HMGA2: variants seen among roughly 807,000 people sequenced by gnomAD.
HMGA2 encodes the protein high mobility group protein HMGI-C.
Under a neutral mutation model 19.1 loss-of-function variants are expected in HMGA2, and 8 were observed. That is an observed-to-expected ratio of 0.42 (90% CI 0.25 to 0.76). The LOEUF (loss-of-function observed/expected upper bound fraction) is 0.76. Ranked by LOEUF, HMGA2 falls within the 30% of genes least tolerant of loss-of-function variation. HMGA2 has a pLI of 0.28. For synonymous variants in HMGA2, 60 were observed against 48.8 expected (o/e 1.23, Z -0.96); for missense variants, 109 against 136.3 (o/e 0.80, Z 1.00).
At chr12:65,935,482 G>A (rs909846840) in intron 3 of HMGA2, among the ~76,000 whole-genome samples, 4 of 151,946 alleles carry the variant, frequency 2.6e-5, no homozygotes, top group African/African-American at 4.8e-5. Flanking sequence ...CTAACTACAC[G>A]TCTGTTTGAA....
chr12:65,919,960 C>CT (rs2121238334), intron 3 of HMGA2, among the ~76,000 whole-genome samples: 1 of 152,280 alleles, frequency 6.6e-6, no homozygotes, highest in Non-Finnish European at 1.5e-5. Flanking sequence ...TAATTTGTCA[C>CT]TTTTCTTGTG....
chr12:65,847,459 A>G (rs1412115223), intron 3 of HMGA2, among the ~76,000 whole-genome samples: 1 of 152,178 alleles, frequency 6.6e-6, no homozygotes, highest in East Asian at 1.9e-4. Flanking sequence ...ATACTTTAAT[A>G]TTTCTGAATA....
chr12:65,941,988 T>C (rs1029248881), intron 3 of HMGA2, among the ~76,000 whole-genome samples: 1 of 152,216 alleles, frequency 6.6e-6, no homozygotes, highest in Non-Finnish European at 1.5e-5. Flanking sequence ...ATAATCTCTA[T>C]CTGAATAATT....
chr12:65,859,814 T>G (rs925167099), intron 3 of HMGA2: 2 of 197,272 alleles, frequency 1.0e-5, no homozygotes, highest in African/African-American at 4.6e-5. Context: ...CCGTGTGCAG[T>G]GGCTTACTCT....
Position 65,842,893 on chromosome 12 carries a change from A to C in HMGA2, c.249+4324A>C, listed in dbSNP as rs112566457. Reference sequence around the variant, plus strand: ...GAGTGGGGCTCAGGCTCAAGAATACAATGAAGTAATAAAGTTGTTAACCTC... The same window carrying C: ...GAGTGGGGCTCAGGCTCAAGAATACCATGAAGTAATAAAGTTGTTAACCTC... On this transcript the variant is annotated intron_variant, in intron 3 of 4. Transcript: ENST00000403681. The C allele has an allele frequency of 8.8e-6, 11 of 1,246,860 alleles. No individual in the cohort carries two copies. The African/African-American group carries it at 1.1e-4, about 12-fold the overall frequency. 77.2% of individuals were successfully genotyped at this position (1,246,860 alleles called of 1,614,324 possible).
At chr12:65,858,334 A>G (rs551819074) in intron 3 of HMGA2, 1 of 151,700 alleles carries the variant, frequency 6.6e-6, no homozygotes, top group African/African-American at 2.4e-5. Flanking sequence ...TTTCTCATTT[A>G]CAAAAAAAAA....
At chr12:65,961,799 A>G (rs1166221849) in intron 4 of HMGA2, among the ~76,000 whole-genome samples, 2 of 151,940 alleles carry the variant, frequency 1.3e-5, no homozygotes. Context: ...GTGAGTGCCC[A>G]TTCTTGTGGG....
At chr12:65,881,914 T>C (rs1873424396) in intron 3 of HMGA2, 2 of 702,042 alleles carry the variant, frequency 2.8e-6, no homozygotes, top group Non-Finnish European at 5.2e-6. Context: ...TATGTTTCCA[T>C]GCTGCAGAAG....
chr12:65,949,411 G>C (rs904797111), intron 3 of HMGA2, among the ~76,000 whole-genome samples: 1 of 152,058 alleles, frequency 6.6e-6, no homozygotes, highest in African/African-American at 2.4e-5. Flanking sequence ...AATAGTGAAC[G>C]TATCCTAAGT....
chr12:65,915,286 T>C (rs1457364088), intron 3 of HMGA2: 9 of 1,455,872 alleles, frequency 6.2e-6, no homozygotes, highest in South Asian at 1.3e-5. Context: ...TTCTTTCTTA[T>C]GTTTCCAACT....
intron 3 of HMGA2, chr12:65,882,134 C>CAG (rs1471546338): frequency 2.3e-6 from 1 of 431,480 alleles, no homozygotes; most frequent in African/African-American, 2.0e-5. Flanking sequence ...TAGTCAATGA[C>CAG]AGAGCTGGGC....
intron 3 of HMGA2, among the ~76,000 whole-genome samples, chr12:65,904,123 C>T (rs1304382327): frequency 6.6e-6 from 1 of 152,214 alleles, no homozygotes; most frequent in Non-Finnish European, 1.5e-5. Context: ...AAATCATTAG[C>T]TTCATTTTCC....
rs897591660 is a variant in HMGA2, at chr12:65,865,639, T to C, written c.249+27070T>C. Among the ~76,000 whole-genome samples, 25 of 147,020 alleles carry C rather than the reference T, an allele frequency of 1.7e-4. 1 individual carries two copies. Among genetic ancestry groups the C allele is most frequent in the East Asian group, 1.2e-3 (6 of 5,090 alleles). The stretch of plus-strand genomic sequence containing the variant: ...TGTATCTCCATCTATTTTTCTTTTT[T>C]TTTTTTTTTTTTTGAGACAGAGTCT... On this transcript the variant is annotated intron_variant, in intron 3 of 4. Coordinates refer to ENST00000403681, the MANE Select transcript of HMGA2 (RefSeq NM_003483.6).
At chr12:65,856,143 A>G (rs1871730799) in intron 3 of HMGA2, 1 of 152,186 alleles carries the variant, frequency 6.6e-6, no homozygotes, top group Non-Finnish European at 1.5e-5. Flanking sequence ...CTCAACCAAA[A>G]TAAATGTGGC....
At chr12:65,908,335 C>A (rs1278656901) in intron 3 of HMGA2, among the ~76,000 whole-genome samples, 7 of 152,156 alleles carry the variant, frequency 4.6e-5, no homozygotes, top group Admixed American at 4.6e-4. Context: ...ATCTCACACA[C>A]ATATTGTAGT....
rs1180942808 is a variant in HMGA2 at position 65,888,554 on chromosome 12, CTTTTTTTTTTTTTTTT to C, written c.249+49997_249+50012del. ...AGGAATAGAGTGCCCGTGGTGTGCT[CTTTTTTTTTTTTTTTT>C]TTTTTTTTTTTGAGACAGAGTCTCA... On this transcript the variant is annotated intron_variant, in intron 3 of 4. Coordinates refer to ENST00000403681, the MANE Select transcript of HMGA2 (RefSeq NM_003483.6). Among the ~76,000 whole-genome samples the C allele has an allele frequency of 4.2e-4, 17 of 40,546 alleles. 1 individual carries two copies. Among genetic ancestry groups the C allele is most frequent in the Non-Finnish European group, 7.1e-4 (17 of 23,966 alleles). The allele number at this position is 40,546 out of a possible 152,430, so 26.6% of individuals were successfully genotyped here. A position where few individuals can be genotyped will look rare whatever the true frequency, so the allele number is the denominator to read the frequency against.
intron 3 of HMGA2, among the ~76,000 whole-genome samples, chr12:65,905,740 A>G (rs1441000540): frequency 3.9e-5 from 6 of 152,346 alleles, no homozygotes; most frequent in African/African-American, 1.2e-4. Flanking sequence ...TTCTTAAACT[A>G]ATACATTCTC....
At chr12:65,866,806 G>A (rs1565713886) in intron 3 of HMGA2, 1 of 456,850 alleles carries the variant, frequency 2.2e-6, no homozygotes, top group Admixed American at 2.3e-5. Flanking sequence ...ACACTTACCT[G>A]AGATGCAGCT....
At chr12:65,888,615 G>A (rs1466530175) in intron 3 of HMGA2, among the ~76,000 whole-genome samples, 1 of 107,398 alleles carries the variant, frequency 9.3e-6, no homozygotes, top group Non-Finnish European at 1.8e-5. Context: ...CCAGGCTGGA[G>A]TGCAGTGGCG....
Sources: gnomAD v4.1 joint callset for allele counts (sites outside exome capture counted in the v4.1 genomes callset) on GRCh38, gnomAD v4.1.1 for gene constraint, MANE v1.5 for transcripts, NCBI Gene and HGNC (gene_info 2026-07-23, HGNC 2026-07-21) for gene names.